Variants in PLA2G6 observed in about 807,000 individuals in gnomAD.
PLA2G6 encodes the protein phospholipase A2 group VI, also known as 85/88 kDa calcium-independent phospholipase A2.
PLA2G6 carries 62 observed loss-of-function variants against 83.8 expected under a neutral mutation model. The ratio of observed to expected loss-of-function variants is 0.74; its 90% CI spans 0.60 to 0.91. The LOEUF (loss-of-function observed/expected upper bound fraction) is 0.91. PLA2G6 is among the 40% of genes least tolerant of loss of function. PLA2G6 has a pLI of 0.00. For missense variants in PLA2G6, 944 were observed against 1,102.0 expected (o/e 0.86, Z 2.03); for synonymous variants, 417 against 449.8 (o/e 0.93, Z 0.92).
At chr22:38,116,653 G>A (rs1460931106) in intron 12 of PLA2G6, among the ~76,000 whole-genome samples, 2 of 151,804 alleles carry the variant, frequency 1.3e-5, no homozygotes, top group Non-Finnish European at 2.9e-5. Flanking sequence ...TCAGGAGTTC[G>A]AGACCAGCCT....
At chr22:38,164,292 G>A (rs894962449) in intron 2 of PLA2G6, among the ~76,000 whole-genome samples, 10 of 152,186 alleles carry the variant, frequency 6.6e-5, no homozygotes, top group African/African-American at 2.2e-4. Flanking sequence ...CAGCCCTGAT[G>A]TAAGAAAGGT....
rs530704305 is a variant in PLA2G6 at position 38,181,263 on chromosome 22, G to A, written c.-46+401C>T. ...TCTGGAGGCACGCGAGAGAGGAAAG[G>A]CAAGGAAAAAAAGCAGGGAGGAAAG... On this transcript the variant is annotated intron_variant, in intron 1 of 16. Coordinates refer to ENST00000332509, the MANE Select transcript of PLA2G6 (RefSeq NM_003560.4). 4.6e-5 allele frequency among the ~76,000 whole-genome samples: 7 copies of A among 152,178 alleles called. No homozygotes were observed. The South Asian group carries it at 1.5e-3, about 32-fold the overall frequency.
intron 1 of PLA2G6, among the ~76,000 whole-genome samples, chr22:38,174,200 T>A (rs2090541894): frequency 6.6e-6 from 1 of 151,324 alleles, no homozygotes; most frequent in Non-Finnish European, 1.5e-5. Context: ...ATTGAGACCA[T>A]CCTGGCTAAC....
At chr22:38,159,751 A>T (rs1451337254) in intron 2 of PLA2G6, among the ~76,000 whole-genome samples, 3 of 147,456 alleles carry the variant, frequency 2.0e-5, no homozygotes, top group African/African-American at 4.9e-5. Flanking sequence ...GAAGGAAGGA[A>T]GGAAGGAAGG....
Position 38,139,975 on chromosome 22 carries a change from G to T in PLA2G6, c.797+7C>A. On this transcript the variant is annotated splice_region_variant and intron_variant, in intron 5 of 16. Coordinates refer to ENST00000332509, the MANE Select transcript of PLA2G6 (RefSeq NM_003560.4). ...GGCCAGCAGATGGGGAGGGGAGGAG[G>T]TCTTACCCCTTCTGAGAGAACTTCA... 1.9e-6 allele frequency: 3 copies of T among 1,577,340 alleles called. No individual in the cohort carries two copies. In the South Asian group the frequency reaches 3.4e-5, roughly 18 times the overall value.
At chr22:38,169,192 G>T (rs774302823) in intron 2 of PLA2G6, 26 bp downstream of exon 2, 11 of 1,564,384 alleles carry the variant, frequency 7.0e-6, no homozygotes, top group East Asian at 2.2e-5. Context: ...AAGGAGAGAA[G>T]TATGTTCCCG....
At position 38,128,533 on chromosome 22, in the gene PLA2G6, C is replaced by A. The variant is rs2145748965; in HGVS notation, c.1187-103G>T. Reference sequence around the variant, plus strand: ...CCACACTCCGTCCCCTGTCCCAGCTCCCAGGCCCTGGGCACGTGGGCTGCT... The same window carrying A: ...CCACACTCCGTCCCCTGTCCCAGCTACCAGGCCCTGGGCACGTGGGCTGCT... On this transcript the variant is annotated intron_variant, in intron 8 of 16. Transcript: ENST00000332509. The surrounding 1 kb of genome is among the most constrained non-coding windows in gnomAD (Gnocchi z 4.4). 1 of 1,330,596 alleles carries A rather than the reference C, an allele frequency of 7.5e-7. No individual in the cohort carries two copies. Among genetic ancestry groups the A allele is most frequent in the African/African-American group, 1.4e-5 (1 of 69,022 alleles). The allele number at this position is 1,330,596 out of a possible 1,614,324, so 82.4% of individuals were successfully genotyped here.
chr22:38,165,752 C>G (rs132968), intron 2 of PLA2G6, among the ~76,000 whole-genome samples: 1 of 151,882 alleles, frequency 6.6e-6, no homozygotes, highest in African/African-American at 2.4e-5. Context: ...TGGTGGCGGG[C>G]GCCTGTAGTC....
In PLA2G6 at chr22:38,145,775, T is replaced by A. The variant is rs1229847791; in HGVS notation, c.210-122A>T. On this transcript the variant is annotated intron_variant, in intron 2 of 16. Transcript: ENST00000332509. ...CTGGCCAGCTCCAGCCCGACTCCCC[T>A]CCCAAGCAAACACACACACACACAC... is the stretch of plus-strand genomic sequence containing the variant. The A allele has an allele frequency of 6.2e-6, 3 of 483,690 alleles. No homozygotes were observed. In the Admixed American group the frequency reaches 8.4e-5, roughly 13 times the overall value. The allele number at this position is 483,690 out of a possible 1,614,324, so 30.0% of individuals were successfully genotyped here. A position where few individuals can be genotyped will look rare whatever the true frequency, so the allele number is the denominator to read the frequency against.
At chr22:38,126,255 C>T (rs2087848042) in intron 10 of PLA2G6, 116 bp downstream of exon 10, 1 of 789,666 alleles carries the variant, frequency 1.3e-6, no homozygotes, top group African/African-American at 1.7e-5. Context: ...GGAGCAGAGC[C>T]ACTTCGCCGG....
chr22:38,160,358 C>T (rs917921399), intron 2 of PLA2G6, among the ~76,000 whole-genome samples: 1 of 152,126 alleles, frequency 6.6e-6, no homozygotes, highest in African/African-American at 2.4e-5. Flanking sequence ...CAGTTCACTT[C>T]TAGGTATGTC....
intron 2 of PLA2G6, chr22:38,148,805 C>A: frequency 1.3e-5 from 5 of 374,942 alleles, no homozygotes; most frequent in South Asian, 1.3e-4. Flanking sequence ...ATGGGAGAAG[C>A]AAAAATAAAT....
At chr22:38,142,296 T>C (rs916687999) in intron 4 of PLA2G6, 1 of 151,976 alleles carries the variant, frequency 6.6e-6, no homozygotes, top group African/African-American at 2.4e-5. Context: ...TTAGAAGAAT[T>C]TTCTAATTCT....
At position 38,132,810 on chromosome 22, in the gene PLA2G6, G is replaced by A; in HGVS notation, c.1077+21C>T. ...TTCCCACCGGGGCCCCACAGGGCAGGACACGCGGTCCTGGGCTCACCGACA... is the reference window on the plus strand; with the variant it reads ...TTCCCACCGGGGCCCCACAGGGCAGAACACGCGGTCCTGGGCTCACCGACA... On this transcript the variant is annotated intron_variant, in intron 7 of 16. Coordinates refer to ENST00000332509, the MANE Select transcript of PLA2G6 (RefSeq NM_003560.4). This position sits in a 1 kb window ranked among gnomAD's most constrained non-coding sequence, Gnocchi z 5.0. 6.5e-7 allele frequency: 1 copy of A among 1,537,324 alleles called. No homozygotes were observed. Among genetic ancestry groups the A allele is most frequent in the South Asian group, 1.2e-5 (1 of 83,850 alleles).
chr22:38,157,200 TCAATAAATCTTTAACTAGACTAA>T (rs1259256521), intron 2 of PLA2G6, among the ~76,000 whole-genome samples: 1 of 151,046 alleles, frequency 6.6e-6, no homozygotes, highest in Non-Finnish European at 1.5e-5. Context: ...ATAAACAAAA[TCAATAAATCTTTAACTAGACTAA>T]CAAAAAAAGA....
chr22:38,180,617 C>T (rs1485175622), intron 1 of PLA2G6, among the ~76,000 whole-genome samples: 1 of 152,220 alleles, frequency 6.6e-6, no homozygotes, highest in East Asian at 1.9e-4. Context: ...TCATCCTTCT[C>T]TCCTTGTCTT....
At chr22:38,159,629 C>T (rs2089927449) in intron 2 of PLA2G6, among the ~76,000 whole-genome samples, 2 of 151,928 alleles carry the variant, frequency 1.3e-5, no homozygotes, top group South Asian at 4.1e-4. Flanking sequence ...ACTCAGGAGG[C>T]TGAGGCAGGA....
rs926162981 is a variant in PLA2G6, at chr22:38,181,689, T to G, written c.-71A>C. 5.3e-5 allele frequency: 8 copies of G among 152,242 alleles called. No homozygotes were observed. Among genetic ancestry groups the G allele is most frequent in the Admixed American group, 5.2e-4 (8 of 15,288 alleles). 9.4% of individuals were successfully genotyped at this position (152,242 alleles called of 1,614,324 possible). A position where few individuals can be genotyped will look rare whatever the true frequency, so the allele number is the denominator to read the frequency against. On this transcript the variant is annotated 5_prime_UTR_variant, in exon 1 of 17. Coordinates refer to ENST00000332509, the MANE Select transcript of PLA2G6 (RefSeq NM_003560.4). ...CTCAGAATCGGAGACACGAGGAATA[T>G]CCAAAGGAGGGTCCGGCGGAGACTT...
chr22:38,123,962 A>G lies in PLA2G6; in HGVS notation c.1428-704T>C, dbSNP rs757595133. 4.6e-5 allele frequency among the ~76,000 whole-genome samples: 7 copies of G among 152,018 alleles called. No homozygotes were observed. Among genetic ancestry groups the G allele is most frequent in the Non-Finnish European group, 7.4e-5 (5 of 67,996 alleles). ...ACGATTCTCCTGCCTCAACCTCCCG[A>G]GTAGCTGGGATCACAGGTGCCCGCC... On this transcript the variant is annotated intron_variant, in intron 10 of 16. Transcript: ENST00000332509. This position sits in a 1 kb window ranked among gnomAD's most constrained non-coding sequence, Gnocchi z 4.1.
Sources: gnomAD v4.1 joint callset for allele counts (sites outside exome capture counted in the v4.1 genomes callset) on GRCh38, gnomAD v4.1.1 for gene constraint, Gnocchi (gnomAD v3.1) non-coding constraint, MANE v1.5 for transcripts, NCBI Gene and HGNC (gene_info 2026-07-23, HGNC 2026-07-21) for gene names.